EXOC4: variants seen among roughly 807,000 people sequenced by gnomAD.
The protein encoded by EXOC4 is exocyst complex component 4.
In EXOC4, 71 loss-of-function variants were observed where a neutral mutation model predicts 107.2. The ratio of observed to expected loss-of-function variants is 0.66; its 90% CI spans 0.55 to 0.81. The LOEUF (loss-of-function observed/expected upper bound fraction) is 0.81. Ranked by LOEUF, EXOC4 falls within the 30% of genes least tolerant of loss-of-function variation. EXOC4 has a pLI of 0.00. For missense variants in EXOC4, 1,108 were observed against 1,189.6 expected (o/e 0.93, Z 1.01); for synonymous variants, 456 against 441.2 (o/e 1.03, Z -0.42).
intron 7 of EXOC4, among the ~76,000 whole-genome samples, chr7:133,404,040 G>A (rs1209483067): frequency 1.3e-5 from 2 of 152,094 alleles, no homozygotes; most frequent in African/African-American, 4.8e-5. Flanking sequence ...GCCCTATTCT[G>A]ATATATTCTC....
chr7:133,412,645 G>A (rs1005035053), intron 7 of EXOC4, among the ~76,000 whole-genome samples: 11 of 151,842 alleles, frequency 7.2e-5, no homozygotes, highest in African/African-American at 2.7e-4. Flanking sequence ...AACATAGTGA[G>A]ACTCTATCTC....
chr7:133,370,641 A>G (rs565549428), intron 6 of EXOC4, among the ~76,000 whole-genome samples: 4 of 152,330 alleles, frequency 2.6e-5, no homozygotes, highest in Non-Finnish European at 5.9e-5. Context: ...AAGGACTAGA[A>G]TGGGAGGCAG....
intron 6 of EXOC4, among the ~76,000 whole-genome samples, chr7:133,365,688 A>AT (rs1796235177): frequency 6.6e-6 from 1 of 152,174 alleles, no homozygotes; most frequent in Non-Finnish European, 1.5e-5. Context: ...GGTAAAACGT[A>AT]TTTCTATCCC....
chr7:133,557,961 C>T (rs898122551), intron 9 of EXOC4, among the ~76,000 whole-genome samples: 9 of 152,150 alleles, frequency 5.9e-5, no homozygotes, highest in Non-Finnish European at 1.3e-4. Flanking sequence ...TGCACTCCAG[C>T]CTGGGTAACA....
chr7:133,960,685 G>A (rs368039400), intron 14 of EXOC4, among the ~76,000 whole-genome samples: 1 of 152,092 alleles, frequency 6.6e-6, no homozygotes, highest in East Asian at 1.9e-4. Context: ...TGATCATGGC[G>A]GGTTATCTTT....
At chr7:133,324,512 G>T (rs1030351972) in intron 5 of EXOC4, among the ~76,000 whole-genome samples, 1 of 152,150 alleles carries the variant, frequency 6.6e-6, no homozygotes, top group East Asian at 1.9e-4. Context: ...CCATGTAGTT[G>T]TGTGATTTTG....
chr7:133,675,181 G>T (rs1233871827), intron 10 of EXOC4, among the ~76,000 whole-genome samples: 1 of 152,148 alleles, frequency 6.6e-6, no homozygotes, highest in East Asian at 1.9e-4. Flanking sequence ...GTAGGGGGCA[G>T]GGGATTGCTT....
intron 9 of EXOC4, among the ~76,000 whole-genome samples, chr7:133,584,609 C>T (rs1049998720): frequency 2.7e-4 from 31 of 114,372 alleles, no homozygotes; most frequent in Admixed American, 1.0e-3. Context: ...GACAGAGTCT[C>T]GCTCTGTTGC....
chr7:133,954,038 C>T (rs1387848749), intron 14 of EXOC4, among the ~76,000 whole-genome samples: 1 of 152,222 alleles, frequency 6.6e-6, no homozygotes, highest in East Asian at 1.9e-4. Flanking sequence ...AAATTTTCAA[C>T]ATTTTGTAAT....
At chr7:133,458,968 T>G (rs2150821188) in intron 7 of EXOC4, among the ~76,000 whole-genome samples, 1 of 151,636 alleles carries the variant, frequency 6.6e-6, no homozygotes, top group East Asian at 2.0e-4. Flanking sequence ...GGAAATCTGA[T>G]TAACAACTTT....
At chr7:133,432,370 A>G (rs1042202919) in intron 7 of EXOC4, among the ~76,000 whole-genome samples, 10 of 152,202 alleles carry the variant, frequency 6.6e-5, no homozygotes, top group African/African-American at 2.4e-4. Flanking sequence ...ACCTTACAAC[A>G]CAGCTTTGTA....
intron 9 of EXOC4, among the ~76,000 whole-genome samples, chr7:133,541,535 T>A (rs1800379834): frequency 6.6e-6 from 1 of 152,214 alleles, no homozygotes; most frequent in South Asian, 2.1e-4. Context: ...CATCTCACTT[T>A]GTTGCCCAGG....
At chr7:133,515,957 A>G (rs1799867693) in intron 9 of EXOC4, among the ~76,000 whole-genome samples, 1 of 152,192 alleles carries the variant, frequency 6.6e-6, no homozygotes, top group Admixed American at 6.5e-5. Flanking sequence ...ATCTGAATAG[A>G]AAATTTGTCA....
intron 10 of EXOC4, among the ~76,000 whole-genome samples, chr7:133,633,675 G>A (rs1225838032): frequency 2.1e-5 from 3 of 144,294 alleles, no homozygotes; most frequent in African/African-American, 5.2e-5. Context: ...CTGAGATCGC[G>A]CCACTGCACT....
chr7:133,551,009 A>G (rs974767357), intron 9 of EXOC4, among the ~76,000 whole-genome samples: 1 of 151,994 alleles, frequency 6.6e-6, no homozygotes, highest in African/African-American at 2.4e-5. Flanking sequence ...CTGATTTCCG[A>G]GACTTAGGCC....
chr7:134,023,868 A>G (rs1795079127), intron 17 of EXOC4, among the ~76,000 whole-genome samples: 1 of 152,178 alleles, frequency 6.6e-6, no homozygotes, highest in African/African-American at 2.4e-5. Context: ...GTAAAACAAA[A>G]GAAGACCCAA....
chr7:134,071,703 T>C, the EXOC4 span, among the ~76,000 whole-genome samples: 258 of 152,290 alleles, frequency 1.7e-3, no homozygotes, highest in Middle Eastern at 0.01. Context: ...AGCTATACAC[T>C]AAATTCCTCC....
intron 7 of EXOC4, among the ~76,000 whole-genome samples, chr7:133,397,733 A>G (rs1797002910): frequency 6.6e-6 from 1 of 151,952 alleles, no homozygotes; most frequent in Non-Finnish European, 1.5e-5. Flanking sequence ...CTGCAGATAC[A>G]CCTTTGTTTT....
chr7:133,557,376 A>G (rs1584996470), intron 9 of EXOC4, among the ~76,000 whole-genome samples: 1 of 152,190 alleles, frequency 6.6e-6, no homozygotes, highest in East Asian at 1.9e-4. Context: ...TTGACACATA[A>G]TAATTGTTAA....
Sources: gnomAD v4.1 joint callset for allele counts (sites outside exome capture counted in the v4.1 genomes callset) on GRCh38, gnomAD v4.1.1 for gene constraint, MANE v1.5 for transcripts, NCBI Gene and HGNC (gene_info 2026-07-23, HGNC 2026-07-21) for gene names.